Variants in TANC2 observed in about 807,000 individuals in gnomAD.
The protein encoded by TANC2 is protein TANC2.
Under a neutral mutation model 210.5 loss-of-function variants are expected in TANC2, and 26 were observed. The ratio of observed to expected loss-of-function variants is 0.12; its 90% CI spans 0.09 to 0.17. TANC2 has a LOEUF of 0.17. TANC2 is among the 10% of genes least tolerant of loss of function. The pLI, the probability that TANC2 is intolerant of heterozygous loss-of-function variation, is 1.00. For missense variants in TANC2, 2,129 were observed against 2,608.9 expected, an observed-to-expected ratio of 0.82 and a Z score of 4.01; for synonymous variants, 931 against 967.1, an observed-to-expected ratio of 0.96 and a Z score of 0.69.
chr17:63,363,474 A>G (rs949344300), intron 14 of TANC2, among the ~76,000 whole-genome samples: 1 of 152,126 alleles, frequency 6.6e-6, no homozygotes, highest in Non-Finnish European at 1.5e-5. Context: ...ATTTTCTTTT[A>G]ATAGTTTCAT....
intron 14 of TANC2, among the ~76,000 whole-genome samples, chr17:63,366,207 G>A (rs1464630788): frequency 2.0e-5 from 3 of 152,112 alleles, no homozygotes; most frequent in African/African-American, 7.2e-5. Flanking sequence ...CATGCCTCGG[G>A]AGTTAAGTGA....
At chr17:63,181,296 C>T (rs1289096699) in intron 5 of TANC2, among the ~76,000 whole-genome samples, 1 of 152,162 alleles carries the variant, frequency 6.6e-6, no homozygotes, top group Non-Finnish European at 1.5e-5. Context: ...TGTCCTCTTG[C>T]TGTTGGTCCT....
chr17:63,245,978 C>G (rs1428984442), intron 8 of TANC2, among the ~76,000 whole-genome samples: 1 of 150,978 alleles, frequency 6.6e-6, no homozygotes, highest in African/African-American at 2.4e-5. Context: ...CCAGTGCACT[C>G]CAGCCTGGGA....
chr17:63,091,756 T>C (rs940190265), intron 3 of TANC2, among the ~76,000 whole-genome samples: 3 of 152,290 alleles, frequency 2.0e-5, no homozygotes, highest in South Asian at 4.1e-4. Flanking sequence ...AAGAAAATCA[T>C]TGGTAGCTTG....
At chr17:63,115,934 T>A (rs1481442316) in intron 4 of TANC2, among the ~76,000 whole-genome samples, 1 of 152,182 alleles carries the variant, frequency 6.6e-6, no homozygotes, top group Non-Finnish European at 1.5e-5. Context: ...TCCCACTACA[T>A]TGCAATTCTT....
intron 11 of TANC2, among the ~76,000 whole-genome samples, chr17:63,322,265 G>A (rs1414327981): frequency 1.3e-5 from 2 of 152,132 alleles, no homozygotes; most frequent in African/African-American, 2.4e-5. Flanking sequence ...TTGGGAGGCC[G>A]AGGCGGGCGG....
chr17:62,975,667 A>G (rs569876621), intron 1 of TANC2, among the ~76,000 whole-genome samples: 4 of 151,832 alleles, frequency 2.6e-5, no homozygotes, highest in African/African-American at 7.3e-5. Flanking sequence ...AGAAATTCCA[A>G]TGATGAGACC....
chr17:63,269,767 T>C (rs1031810360), intron 9 of TANC2, among the ~76,000 whole-genome samples: 6 of 152,134 alleles, frequency 3.9e-5, no homozygotes, highest in African/African-American at 1.4e-4. Flanking sequence ...ACCAGTTTTA[T>C]CTGGAATGCA....
intron 15 of TANC2, among the ~76,000 whole-genome samples, chr17:63,385,565 A>G (rs1053145881): frequency 5.3e-5 from 8 of 152,246 alleles, no homozygotes; most frequent in African/African-American, 1.9e-4. Flanking sequence ...TGTAAACTGC[A>G]TGGCCAAATG....
intron 7 of TANC2, among the ~76,000 whole-genome samples, chr17:63,208,538 C>G (rs1223437003): frequency 6.6e-6 from 1 of 152,126 alleles, no homozygotes; most frequent in African/African-American, 2.4e-5. Flanking sequence ...ATCAATTTGC[C>G]AAATTCATGA....
intron 5 of TANC2, among the ~76,000 whole-genome samples, chr17:63,191,079 G>A (rs560577074): frequency 4.6e-5 from 7 of 151,872 alleles, no homozygotes; most frequent in East Asian, 3.9e-4. Flanking sequence ...AGGTTTTATC[G>A]TAGCAGTTAC....
chr17:63,029,149 A>C (rs2034668083), intron 2 of TANC2, among the ~76,000 whole-genome samples: 1 of 152,086 alleles, frequency 6.6e-6, no homozygotes. Flanking sequence ...CTTTAACCAG[A>C]GTTATCCTCA....
At chr17:63,232,209 T>C (rs1052946588) in intron 7 of TANC2, among the ~76,000 whole-genome samples, 5 of 152,226 alleles carry the variant, frequency 3.3e-5, no homozygotes, top group Non-Finnish European at 7.3e-5. Flanking sequence ...AACATGCTCC[T>C]TCAGCTCTGT....
intron 8 of TANC2, among the ~76,000 whole-genome samples, chr17:63,253,754 G>A (rs1386009276): frequency 2.0e-5 from 3 of 152,082 alleles, no homozygotes; most frequent in Non-Finnish European, 4.4e-5. Flanking sequence ...CGAGTAGCTG[G>A]AACTATAGGT....
intron 1 of TANC2, among the ~76,000 whole-genome samples, chr17:62,973,544 C>T (rs1369543349): frequency 6.6e-6 from 1 of 152,082 alleles, no homozygotes; most frequent in African/African-American, 2.4e-5. Flanking sequence ...ACTTTAGGCA[C>T]CAGGAGGTAG....
intron 2 of TANC2, among the ~76,000 whole-genome samples, chr17:63,065,602 G>A (rs1243186421): frequency 6.6e-6 from 1 of 152,128 alleles, no homozygotes; most frequent in Admixed American, 6.5e-5. Context: ...TTATGTATGA[G>A]GTGGTAGCTT....
At chr17:63,103,125 A>T (rs2037693301) in intron 4 of TANC2, among the ~76,000 whole-genome samples, 2 of 152,166 alleles carry the variant, frequency 1.3e-5, no homozygotes, top group Admixed American at 1.3e-4. Context: ...CTGATCTTTA[A>T]ATAGTCATTA....
intron 4 of TANC2, among the ~76,000 whole-genome samples, chr17:63,125,915 T>C (rs946736089): frequency 5.3e-5 from 8 of 152,222 alleles, no homozygotes; most frequent in Admixed American, 2.0e-4. Context: ...ATAGTTTGTG[T>C]ACTCTGGAGC....
intron 1 of TANC2, among the ~76,000 whole-genome samples, chr17:62,998,397 C>T (rs935172739): frequency 6.6e-6 from 1 of 152,066 alleles, no homozygotes; most frequent in East Asian, 1.9e-4. Flanking sequence ...GGGCAACATT[C>T]AAATCAGGAA....
Sources: allele counts gnomAD v4.1 joint callset (sites outside exome capture counted in the v4.1 genomes callset), GRCh38; gene constraint gnomAD v4.1.1; transcripts MANE v1.5; gene names NCBI Gene and HGNC (gene_info 2026-07-23, HGNC 2026-07-21).